Variants in XKR6 observed in about 807,000 individuals in gnomAD.
XKR6 encodes XK-related protein 6.
In XKR6, 22 loss-of-function variants were observed where a neutral mutation model predicts 56.7. The observed-to-expected ratio is 0.39, with a 90% CI of 0.28 to 0.55. The LOEUF (loss-of-function observed/expected upper bound fraction) is 0.55, where lower values mean the gene tolerates loss of function less well. Among genes scored for constraint, XKR6 ranks in the 20% least tolerant of loss-of-function variants. The probability of loss-of-function intolerance (pLI) is 0.66; values close to 1 mark genes in which losing one functional copy is unlikely to be tolerated. For synonymous variants in XKR6, 524 were observed against 387.8 expected, an observed-to-expected ratio of 1.35 and a Z score of -4.13; for missense variants, 852 against 889.0, an observed-to-expected ratio of 0.96 and a Z score of 0.53.
chr8:11,136,233 G>A (rs1193902566), intron 1 of XKR6, among the ~76,000 whole-genome samples: 1 of 152,188 alleles, frequency 6.6e-6, no homozygotes, highest in African/African-American at 2.4e-5. Context: ...AAAAATTCCT[G>A]GCCTGGCGCG....
At chr8:10,950,705 T>C (rs1801691700) in intron 1 of XKR6, among the ~76,000 whole-genome samples, 2 of 152,286 alleles carry the variant, frequency 1.3e-5, no homozygotes, top group South Asian at 2.1e-4. Context: ...CGAAAAGAAC[T>C]TGAGATGGCG....
chr8:11,096,400 C>G (rs1798263131), intron 1 of XKR6, among the ~76,000 whole-genome samples: 2 of 152,184 alleles, frequency 1.3e-5, no homozygotes, highest in Admixed American at 6.5e-5. Flanking sequence ...GAGTAGGTTA[C>G]AAAACTTTAA....
intron 1 of XKR6, among the ~76,000 whole-genome samples, chr8:11,079,980 A>AATAAATAC (rs554984835): frequency 6.6e-6 from 1 of 152,098 alleles, no homozygotes; most frequent in African/African-American, 2.4e-5. Flanking sequence ...AAAATAAATA[A>AATAAATAC]ATAAATACAT....
At chr8:11,049,292 G>A (rs1341869046) in intron 1 of XKR6, among the ~76,000 whole-genome samples, 1 of 152,228 alleles carries the variant, frequency 6.6e-6, no homozygotes, top group Non-Finnish European at 1.5e-5. Context: ...TGTTTGGAGA[G>A]TAGCCAAAAC....
intron 1 of XKR6, among the ~76,000 whole-genome samples, chr8:10,997,594 G>A (rs903458899): frequency 6.6e-6 from 1 of 152,202 alleles, no homozygotes; most frequent in Admixed American, 6.5e-5. Context: ...GCCATTCCAG[G>A]GGAGAGAATG....
intron 1 of XKR6, among the ~76,000 whole-genome samples, chr8:11,143,575 A>G (rs1800816700): frequency 6.6e-6 from 1 of 152,216 alleles, no homozygotes; most frequent in Admixed American, 6.5e-5. Context: ...CATTACCAAA[A>G]CCAAATTATT....
At chr8:10,911,573 TAG>T (rs1179056346) in intron 2 of XKR6, among the ~76,000 whole-genome samples, 2 of 144,368 alleles carry the variant, frequency 1.4e-5, no homozygotes, top group African/African-American at 2.6e-5. Context: ...TATATATATA[TAG>T]AGAGAGAGAG....
At chr8:11,179,879 T>C (rs1352001619) in intron 1 of XKR6, among the ~76,000 whole-genome samples, 1 of 152,194 alleles carries the variant, frequency 6.6e-6, no homozygotes, top group East Asian at 1.9e-4. Context: ...ATGCCAGTAA[T>C]CTCAGCACTT....
chr8:11,120,087 T>C (rs535179983), intron 1 of XKR6, among the ~76,000 whole-genome samples: 48 of 152,304 alleles, frequency 3.2e-4, no homozygotes, highest in Non-Finnish European at 2.4e-4. Flanking sequence ...ACATACTGAA[T>C]GGACAAAAAC....
chr8:11,061,845 T>C (rs1056707516), intron 1 of XKR6, among the ~76,000 whole-genome samples: 3 of 152,098 alleles, frequency 2.0e-5, no homozygotes, highest in Non-Finnish European at 4.4e-5. Context: ...GGCGAGGACA[T>C]CACTGGAGGC....
chr8:10,996,027 C>T (rs1798106186), intron 1 of XKR6, among the ~76,000 whole-genome samples: 1 of 152,116 alleles, frequency 6.6e-6, no homozygotes, highest in Non-Finnish European at 1.5e-5. Context: ...CTCTATAACG[C>T]CTTTCACAAC....
At chr8:11,136,121 C>A (rs1011125573) in intron 1 of XKR6, among the ~76,000 whole-genome samples, 3 of 152,180 alleles carry the variant, frequency 2.0e-5, no homozygotes, top group African/African-American at 7.2e-5. Flanking sequence ...CCGGAAGTAT[C>A]TGCGAGGCAA....
chr8:11,044,918 A>G (rs1355549443), intron 1 of XKR6, among the ~76,000 whole-genome samples: 1 of 151,502 alleles, frequency 6.6e-6, no homozygotes, highest in Non-Finnish European at 1.5e-5. Context: ...GCACCCAGCC[A>G]ATTTTCTCAT....
chr8:10,992,231 G>A (rs1004068721), intron 1 of XKR6, among the ~76,000 whole-genome samples: 14 of 152,068 alleles, frequency 9.2e-5, no homozygotes, highest in African/African-American at 3.4e-4. Context: ...AAATTCTACA[G>A]CCCCATTAAC....
intron 1 of XKR6, among the ~76,000 whole-genome samples, chr8:10,943,951 C>T (rs1586335154): frequency 6.6e-6 from 1 of 152,128 alleles, no homozygotes; most frequent in Admixed American, 6.5e-5. Flanking sequence ...TCCCCCTGCC[C>T]GGATGTGGTG....
At chr8:11,121,023 G>T (rs150689496) in intron 1 of XKR6, among the ~76,000 whole-genome samples, 44 of 152,154 alleles carry the variant, frequency 2.9e-4, no homozygotes, top group Non-Finnish European at 4.7e-4. Flanking sequence ...TTACACCTTA[G>T]ACAAAAATTA....
intron 1 of XKR6, chr8:11,062,567 T>A (rs1799863066): frequency 2.8e-6 from 1 of 361,606 alleles, no homozygotes; most frequent in Non-Finnish European, 5.4e-6. Flanking sequence ...AGGGGCTGAT[T>A]GGCTGATTAA....
At chr8:10,925,009 G>C (rs1800838664) in intron 1 of XKR6, among the ~76,000 whole-genome samples, 179 bp from the exon 2 acceptor site, 1 of 152,142 alleles carries the variant, frequency 6.6e-6, no homozygotes, top group South Asian at 2.1e-4. Context: ...TGATGCTGAG[G>C]CATGGGGGAG....
In XKR6 at chr8:11,140,897, C is replaced by CAAA. The variant is rs35388667; in HGVS notation, c.764+59676_764+59678dup. ...TGGGCGACAGAGCGAGACTCTGTCTCAAAAAAAAAAAAAAAAAAACCTTCC... is the reference window on the plus strand; with the variant it reads ...TGGGCGACAGAGCGAGACTCTGTCTCAAAAAAAAAAAAAAAAAAAAAACCTTCC... On this transcript the variant is annotated intron_variant, in intron 1 of 2. Coordinates refer to ENST00000416569, the MANE Select transcript of XKR6 (RefSeq NM_173683.4). Among the ~76,000 whole-genome samples, 152 of 87,948 alleles carry CAAA rather than the reference C, an allele frequency of 1.7e-3. 2 individuals carry two copies. The East Asian group carries it at 0.029, about 17-fold the overall frequency. The allele number at this position is 87,948 out of a possible 152,430, so 57.7% of individuals were successfully genotyped here. A position where few individuals can be genotyped will look rare whatever the true frequency, so the allele number is the denominator to read the frequency against.
Sources: gnomAD v4.1 joint callset for allele counts (sites outside exome capture counted in the v4.1 genomes callset) on GRCh38, gnomAD v4.1.1 for gene constraint, MANE v1.5 for transcripts, NCBI Gene and HGNC (gene_info 2026-07-23, HGNC 2026-07-21) for gene names.